Variants in CDK19 observed in about 807,000 individuals in gnomAD.
CDK19 encodes cyclin dependent kinase 19, also known as cyclin-dependent kinase 19.
CDK19 carries 20 observed loss-of-function variants against 68.3 expected under a neutral mutation model. The observed-to-expected ratio is 0.29, with a 90% CI of 0.21 to 0.43. The LOEUF (loss-of-function observed/expected upper bound fraction) is 0.43, where lower values mean the gene tolerates loss of function less well. CDK19 is among the 20% of genes least tolerant of loss of function. CDK19 has a pLI of 1.00. For synonymous variants in CDK19, 221 were observed against 222.8 expected (o/e 0.99, Z 0.07); for missense variants, 339 against 623.5 (o/e 0.54, Z 4.86).
In CDK19 at chr6:110,815,033, A is replaced by G; in HGVS notation, c.104T>C (p.Val35Ala). The change falls in exon 1 of 13, where the codon GTC becomes GCC. Residue 35 changes from valine to alanine, a missense_variant. Val to Ala is a moderately conservative substitution (Grantham distance 64). Transcript: ENST00000368911. Reference sequence around the variant, plus strand: ...CCCATCTTTCCGCCTCGCCTTGTAGACGTGACCGTAGGTGCCGCGTCCCAC... The same window carrying G: ...CCCATCTTTCCGCCTCGCCTTGTAGGCGTGACCGTAGGTGCCGCGTCCCAC... ...CKVGRGTYGH[V>A]YKARRKDGKD... The G allele has an allele frequency of 6.2e-7, 1 of 1,603,952 alleles. No homozygotes were observed. Among genetic ancestry groups the G allele is most frequent in the Non-Finnish European group, 8.5e-7 (1 of 1,176,018 alleles).
At position 110,621,211 on chromosome 6, in the gene CDK19, G is replaced by A. The variant is rs375258247; in HGVS notation, c.1270C>T (p.Gln424Ter). ...AGVGGTGAGL[Q>*]HSQDSSLNQV... ...TTCAGGCTGGAGTCCTGGCTGTGCT[G>A]CAACCCTGCTCCGGTGCCCCCGACC... The change falls in exon 12 of 13, where the codon CAG becomes TAG. Residue 424 changes from glutamine to a stop codon, truncating the protein, a stop_gained. Coordinates refer to ENST00000368911, the MANE Select transcript of CDK19 (RefSeq NM_015076.5). LOFTEE classifies it high-confidence loss of function. The surrounding 1 kb of genome is among the most constrained non-coding windows in gnomAD (Gnocchi z 5.4). The A allele has an allele frequency of 6.2e-7, 1 of 1,613,772 alleles. No homozygotes were observed. The highest frequency in any genetic ancestry group is 8.5e-7 in the Non-Finnish European group (1 of 1,180,022).
chr6:110,674,878 G>A (rs973484466), intron 2 of CDK19, among the ~76,000 whole-genome samples: 2 of 151,122 alleles, frequency 1.3e-5, no homozygotes, highest in Non-Finnish European at 2.9e-5. Flanking sequence ...CTCCAGCCCG[G>A]GCGACACAGC....
chr6:110,707,321 G>A (rs967902419), intron 2 of CDK19, among the ~76,000 whole-genome samples: 1 of 151,968 alleles, frequency 6.6e-6, no homozygotes, highest in South Asian at 2.1e-4. Context: ...GAGTGACAGA[G>A]GGAGCCTCTG....
intron 2 of CDK19, among the ~76,000 whole-genome samples, chr6:110,686,838 T>C (rs1413342506): frequency 6.6e-6 from 1 of 152,238 alleles, no homozygotes; most frequent in Non-Finnish European, 1.5e-5. Context: ...CTTAGTTTTA[T>C]GTCAGTGCAA....
chr6:110,770,095 G>C (rs1779902233), intron 1 of CDK19, among the ~76,000 whole-genome samples: 1 of 152,158 alleles, frequency 6.6e-6, no homozygotes, highest in African/African-American at 2.4e-5. Context: ...CTCTGAATAG[G>C]AGGAAGTGAA....
At chr6:110,785,603 G>C (rs1307280333) in intron 1 of CDK19, among the ~76,000 whole-genome samples, 2 of 152,090 alleles carry the variant, frequency 1.3e-5, no homozygotes, top group African/African-American at 2.4e-5. Flanking sequence ...GAGGGGAGTT[G>C]GTCTTGCTGT....
chr6:110,782,288 C>T (rs1312723221), intron 1 of CDK19, among the ~76,000 whole-genome samples: 1 of 152,214 alleles, frequency 6.6e-6, no homozygotes, highest in Admixed American at 6.5e-5. Context: ...GTCCCAGGTT[C>T]TGGGAAATCC....
At chr6:110,783,792 T>C (rs9487522) in intron 1 of CDK19, among the ~76,000 whole-genome samples, 2,037 of 152,008 alleles carry the variant, frequency 0.013, 56 homozygotes, top group African/African-American at 0.047. Context: ...AAGAGATGGA[T>C]TGGACTTCAT....
chr6:110,726,322 G>A (rs986645792), intron 2 of CDK19, among the ~76,000 whole-genome samples: 1 of 152,080 alleles, frequency 6.6e-6, no homozygotes, highest in Non-Finnish European at 1.5e-5. Context: ...ATGTTACCAG[G>A]TCCTTGTCCC....
chr6:110,782,989 A>C (rs1780930605), intron 1 of CDK19, among the ~76,000 whole-genome samples: 1 of 152,192 alleles, frequency 6.6e-6, no homozygotes, highest in Non-Finnish European at 1.5e-5. Context: ...TAAATTATTA[A>C]TCTAAGAATG....
intron 4 of CDK19, chr6:110,645,700 C>G: frequency 2.5e-6 from 1 of 403,254 alleles, no homozygotes; most frequent in East Asian, 6.1e-5. Context: ...TTTCCGAACT[C>G]TTGACGACGG....
chr6:110,727,042 T>C (rs2114775030), intron 2 of CDK19, among the ~76,000 whole-genome samples: 1 of 152,220 alleles, frequency 6.6e-6, no homozygotes, highest in East Asian at 1.9e-4. Flanking sequence ...AGGTCAACAA[T>C]AGAATACTGG....
intron 1 of CDK19, among the ~76,000 whole-genome samples, chr6:110,784,475 A>G (rs1781059268): frequency 6.6e-6 from 1 of 152,212 alleles, no homozygotes; most frequent in Non-Finnish European, 1.5e-5. Flanking sequence ...TCAGAAAGAT[A>G]GACAATACCA....
rs147873444 is a variant in CDK19 at position 110,691,733 on chromosome 6, C to T, written c.205-21192G>A. 0.021 allele frequency among the ~76,000 whole-genome samples: 3,124 copies of T among 150,882 alleles called. 318 individuals carry two copies. In the East Asian group the frequency reaches 0.35, roughly 17 times the overall value. On this transcript the variant is annotated intron_variant, in intron 2 of 12. Coordinates refer to ENST00000368911, the MANE Select transcript of CDK19 (RefSeq NM_015076.5). ...CATGATCTTGGCTCATTGCAACCTCCGCCTCCTGAGTTCAAGTGATTCTCC... is the reference window on the plus strand; with the variant it reads ...CATGATCTTGGCTCATTGCAACCTCTGCCTCCTGAGTTCAAGTGATTCTCC...
At chr6:110,658,400 G>A (rs1372039659) in intron 4 of CDK19, among the ~76,000 whole-genome samples, 2 of 152,166 alleles carry the variant, frequency 1.3e-5, no homozygotes, top group African/African-American at 2.4e-5. Context: ...AAAGAAATCA[G>A]AATGATTAAG....
intron 1 of CDK19, among the ~76,000 whole-genome samples, chr6:110,764,983 A>AT (rs1562269616): frequency 3.3e-5 from 5 of 151,096 alleles, no homozygotes; most frequent in South Asian, 2.1e-4. Flanking sequence ...AAATAAATAA[A>AT]AATTTTAGGG....
chr6:110,725,465 G>A (rs1448304377), intron 2 of CDK19, among the ~76,000 whole-genome samples: 2 of 151,958 alleles, frequency 1.3e-5, no homozygotes, highest in Non-Finnish European at 2.9e-5. Context: ...AGCATAAAAT[G>A]GGTAACACAA....
intron 1 of CDK19, among the ~76,000 whole-genome samples, chr6:110,800,704 C>G (rs1257738563): frequency 6.6e-6 from 1 of 152,122 alleles, no homozygotes; most frequent in Non-Finnish European, 1.5e-5. Flanking sequence ...AAAAACCACA[C>G]GATCATCTCA....
chr6:110,790,909 C>T (rs183979376), intron 1 of CDK19, among the ~76,000 whole-genome samples: 7 of 152,250 alleles, frequency 4.6e-5, no homozygotes, highest in South Asian at 2.1e-4. Flanking sequence ...CGGTGGCTCA[C>T]GCCTGTAATC....
Sources: gnomAD v4.1 joint callset for allele counts (sites outside exome capture counted in the v4.1 genomes callset) on GRCh38, gnomAD v4.1.1 for gene constraint, Gnocchi (gnomAD v3.1) non-coding constraint, MANE v1.5 for transcripts, NCBI Gene and HGNC (gene_info 2026-07-23, HGNC 2026-07-21) for gene names.